Variants in BICD1 observed in about 807,000 individuals in gnomAD.
BICD1 encodes protein bicaudal D homolog 1.
In BICD1, 35 loss-of-function variants were observed where a neutral mutation model predicts 92.5. The ratio of observed to expected loss-of-function variants is 0.38; its 90% CI spans 0.29 to 0.50. BICD1 has a LOEUF of 0.50. BICD1 is among the 20% of genes least tolerant of loss of function. The probability of loss-of-function intolerance (pLI) is 0.93; values close to 1 mark genes in which losing one functional copy is unlikely to be tolerated. For missense variants in BICD1, 950 were observed against 1,189.8 expected, an observed-to-expected ratio of 0.80 and a Z score of 2.97; for synonymous variants, 429 against 465.1, an observed-to-expected ratio of 0.92 and a Z score of 1.00.
At chr12:32,135,648 C>T (rs1942711479) in intron 1 of BICD1, among the ~76,000 whole-genome samples, 1 of 152,022 alleles carries the variant, frequency 6.6e-6, no homozygotes, top group South Asian at 2.1e-4. Flanking sequence ...CGATCTTCTG[C>T]CTTTACATCC....
chr12:32,180,661 C>G lies in BICD1; in HGVS notation c.214-35586C>G, dbSNP rs1275823046. 4.6e-5 allele frequency among the ~76,000 whole-genome samples: 7 copies of G among 151,952 alleles called. No individual in the cohort carries two copies. In the East Asian group the frequency reaches 1.3e-3, roughly 29 times the overall value. The stretch of plus-strand genomic sequence containing the variant: ...TGTCAGGTTGCATTTTTCTCCTAAC[C>G]TTCTTCTTTCCTAATCCTCACTCAC... On this transcript the variant is annotated intron_variant, in intron 1 of 9. Coordinates refer to ENST00000652176, the MANE Select transcript of BICD1 (RefSeq NM_001714.4).
chr12:32,178,787 G>T (rs1944191149), intron 1 of BICD1, among the ~76,000 whole-genome samples: 1 of 151,904 alleles, frequency 6.6e-6, no homozygotes, highest in Admixed American at 6.6e-5. Context: ...AAAGCCTGGT[G>T]GCTGGCTGGG....
chr12:32,224,483 G>A (rs1592507487), intron 2 of BICD1, among the ~76,000 whole-genome samples: 1 of 152,192 alleles, frequency 6.6e-6, no homozygotes, highest in African/African-American at 2.4e-5. Context: ...TGGTTGAAAA[G>A]TTCTTTCTAA....
Position 32,230,353 on chromosome 12 carries a change from T to C in BICD1, c.426+13894T>C, listed in dbSNP as rs139757022. On this transcript the variant is annotated intron_variant, in intron 2 of 9. Coordinates refer to ENST00000652176, the MANE Select transcript of BICD1 (RefSeq NM_001714.4). ...AGGTCAGGACTGCAGTGAGCCAAGG[T>C]CACACCACTGCACTCCAGTCTAGGC... Among the ~76,000 whole-genome samples the C allele has an allele frequency of 6.1e-3, 922 of 151,718 alleles. 10 individuals carry two copies. Among genetic ancestry groups the C allele is most frequent in the South Asian group, 0.011 (51 of 4,810 alleles).
At chr12:32,114,014 C>G (rs888169014) in intron 1 of BICD1, among the ~76,000 whole-genome samples, 1 of 152,008 alleles carries the variant, frequency 6.6e-6, no homozygotes, top group African/African-American at 2.4e-5. Flanking sequence ...GGATTATAGG[C>G]GCGCGCCACC....
intron 1 of BICD1, among the ~76,000 whole-genome samples, chr12:32,173,583 G>C (rs1944014184): frequency 6.6e-6 from 1 of 152,164 alleles, no homozygotes; most frequent in Non-Finnish European, 1.5e-5. Flanking sequence ...AATGGCTAGA[G>C]TCATGTTCAC....
chr12:32,346,586 G>GTATA (rs1209956649), intron 8 of BICD1, among the ~76,000 whole-genome samples: 3 of 10,350 alleles, frequency 2.9e-4, no homozygotes, highest in South Asian at 5.9e-3. Context: ...ATATATACGT[G>GTATA]TATATATATA....
chr12:32,262,207 T>C (rs1346703699), intron 2 of BICD1, among the ~76,000 whole-genome samples: 1 of 152,200 alleles, frequency 6.6e-6, no homozygotes, highest in African/African-American at 2.4e-5. Flanking sequence ...GCCTTGACAT[T>C]GGCTTTTTCT....
At chr12:32,113,268 G>C (rs566974666) in intron 1 of BICD1, among the ~76,000 whole-genome samples, 169 of 152,254 alleles carry the variant, frequency 1.1e-3, no homozygotes, top group Middle Eastern at 3.4e-3. Context: ...GGAAAGTGAG[G>C]AAGACAGTGG....
In BICD1 at chr12:32,183,824, T is replaced by G. The variant is rs563519589; in HGVS notation, c.214-32423T>G. Reference sequence around the variant, plus strand: ...TAACATCTGAACCCTCAGCCCATCCTGTGGAACACAGGCCATATAGGGGAT... The same window carrying G: ...TAACATCTGAACCCTCAGCCCATCCGGTGGAACACAGGCCATATAGGGGAT... On this transcript the variant is annotated intron_variant, in intron 1 of 9. Transcript: ENST00000652176. Among the ~76,000 whole-genome samples, 13 of 152,318 alleles carry G rather than the reference T, an allele frequency of 8.5e-5. No homozygotes were observed. The South Asian group carries it at 2.5e-3, about 29-fold the overall frequency.
At chr12:32,299,489 G>A (rs768481564) in intron 3 of BICD1, among the ~76,000 whole-genome samples, 26 of 152,148 alleles carry the variant, frequency 1.7e-4, no homozygotes, top group East Asian at 9.6e-4. Context: ...TTTCCCAGGC[G>A]GAGAAACATG....
intron 2 of BICD1, among the ~76,000 whole-genome samples, chr12:32,266,327 T>C (rs1195384874): frequency 6.6e-6 from 1 of 152,216 alleles, no homozygotes; most frequent in Non-Finnish European, 1.5e-5. Flanking sequence ...TACTAAAATG[T>C]GGTCATTGTC....
In BICD1 at chr12:32,294,278, A is replaced by G. The variant is rs540067445; in HGVS notation, c.579+132A>G. 4.4e-6 allele frequency: 4 copies of G among 910,728 alleles called. No homozygotes were observed. In the South Asian group the frequency reaches 7.8e-5, roughly 18 times the overall value. 56.4% of individuals were successfully genotyped at this position (910,728 alleles called of 1,614,324 possible). A position where few individuals can be genotyped will look rare whatever the true frequency, so the allele number is the denominator to read the frequency against. On this transcript the variant is annotated intron_variant, in intron 3 of 9. Transcript: ENST00000652176. ...CTCTCTATAACATTTATGTACTGCA[A>G]TGTCCCAACCCTCCTATTTCAGCTA...
intron 2 of BICD1, among the ~76,000 whole-genome samples, chr12:32,248,987 C>A (rs979135448): frequency 6.6e-6 from 1 of 152,150 alleles, no homozygotes; most frequent in Non-Finnish European, 1.5e-5. Flanking sequence ...TTTTCCACTG[C>A]GGGCATGTTT....
intron 2 of BICD1, among the ~76,000 whole-genome samples, chr12:32,248,474 T>C (rs2136099236): frequency 6.6e-6 from 1 of 152,296 alleles, no homozygotes; most frequent in Middle Eastern, 3.4e-3. Flanking sequence ...TTTAAACTGA[T>C]GATCCTTAAA....
chr12:32,188,733 T>C (rs1004499355), intron 1 of BICD1, among the ~76,000 whole-genome samples: 2 of 130,088 alleles, frequency 1.5e-5, no homozygotes, highest in Admixed American at 1.4e-4. Flanking sequence ...CTTGAATTCC[T>C]TTTTTTTTTT....
intron 2 of BICD1, among the ~76,000 whole-genome samples, chr12:32,293,708 T>C (rs2136193146): frequency 6.6e-6 from 1 of 152,332 alleles, no homozygotes. Flanking sequence ...AGCAAACGTT[T>C]AGACTGTTTC....
chr12:32,381,457 T>C lies in BICD1; in HGVS notation c.*3830T>C, dbSNP rs1465378491. ...ATATCCTTGTGCAGATAAGTTCTTC[T>C]GTTTGAAACAAGCATGAAACATTGG... On this transcript the variant is annotated 3_prime_UTR_variant, in exon 10 of 10. Transcript: ENST00000652176. 1 of 152,156 alleles carries C rather than the reference T, an allele frequency of 6.6e-6. No individual in the cohort carries two copies. Among genetic ancestry groups the C allele is most frequent in the Non-Finnish European group, 1.5e-5 (1 of 67,990 alleles). 9.4% of individuals were successfully genotyped at this position (152,156 alleles called of 1,614,324 possible).
chr12:32,343,711 G>A (rs1353537867), intron 8 of BICD1, among the ~76,000 whole-genome samples: 11 of 152,022 alleles, frequency 7.2e-5, no homozygotes, highest in South Asian at 2.1e-4. Flanking sequence ...GACTCAGCTA[G>A]TTTAAGAGAA....
Sources: allele counts gnomAD v4.1 joint callset (sites outside exome capture counted in the v4.1 genomes callset), GRCh38; gene constraint gnomAD v4.1.1; transcripts MANE v1.5; gene names NCBI Gene and HGNC (gene_info 2026-07-23, HGNC 2026-07-21).